The following TCF4 variants were observed in gnomAD, a reference collection of about 807,000 sequenced individuals.
TCF4 encodes transcription factor 4.
TCF4 carries 3 observed loss-of-function variants against 82.1 expected under a neutral mutation model. The observed-to-expected ratio is 0.04, with a 90% CI of 0.02 to 0.09. The LOEUF (loss-of-function observed/expected upper bound fraction) is 0.09. Ranked by LOEUF, TCF4 falls within the 10% of genes least tolerant of loss-of-function variation. The pLI is 1.00. For missense variants in TCF4, 518 were observed against 852.7 expected, an observed-to-expected ratio of 0.61 and a Z score of 4.89; for synonymous variants, 276 against 309.6, an observed-to-expected ratio of 0.89 and a Z score of 1.14.
chr18:55,512,394 A>G (rs2096837429), intron 3 of TCF4, among the ~76,000 whole-genome samples: 1 of 152,176 alleles, frequency 6.6e-6, no homozygotes, highest in Non-Finnish European at 1.5e-5. Context: ...GCAATAAACA[A>G]ATTTCATGTT....
At chr18:55,351,811 G>A (rs1028444077) in intron 6 of TCF4, 11 of 904,736 alleles carry the variant, frequency 1.2e-5, no homozygotes, top group East Asian at 2.4e-4. Context: ...TATATAAATC[G>A]CTTGATTATA....
intron 5 of TCF4, among the ~76,000 whole-genome samples, chr18:55,415,380 C>CA (rs2094490123): frequency 6.6e-6 from 1 of 151,694 alleles, no homozygotes; most frequent in African/African-American, 2.4e-5. Context: ...TGAAACAAAA[C>CA]AAAAAACAAA....
At chr18:55,414,663 G>A (rs2094465833) in intron 5 of TCF4, among the ~76,000 whole-genome samples, 1 of 152,040 alleles carries the variant, frequency 6.6e-6, no homozygotes, top group Non-Finnish European at 1.5e-5. Context: ...AGGACCCAAG[G>A]ATGCTCTCCA....
intron 3 of TCF4, among the ~76,000 whole-genome samples, chr18:55,484,071 TC>T (rs1298391633): frequency 6.6e-6 from 1 of 152,194 alleles, no homozygotes; most frequent in Non-Finnish European, 1.5e-5. Flanking sequence ...ACCTATAATT[TC>T]TCCTTTCAAC....
At chr18:55,378,520 A>C (rs2091292766) in intron 6 of TCF4, among the ~76,000 whole-genome samples, 1 of 152,200 alleles carries the variant, frequency 6.6e-6, no homozygotes, top group South Asian at 2.1e-4. Flanking sequence ...AATGTCAATT[A>C]ATAGATGAGG....
chr18:55,252,331 T>A (rs965629860), intron 15 of TCF4, among the ~76,000 whole-genome samples: 2 of 151,444 alleles, frequency 1.3e-5, no homozygotes, highest in African/African-American at 4.9e-5. Flanking sequence ...CTTATCCTTA[T>A]CAGCAAAACT....
chr18:55,408,061 A>C (rs8089309), intron 5 of TCF4, among the ~76,000 whole-genome samples: 9,417 of 152,228 alleles, frequency 0.062, 505 homozygotes, highest in African/African-American at 0.14. Context: ...TTCTAGAGAT[A>C]AGCTCTAACA....
chr18:55,489,677 G>A (rs1448080026), intron 3 of TCF4, among the ~76,000 whole-genome samples: 1 of 152,166 alleles, frequency 6.6e-6, no homozygotes, highest in Non-Finnish European at 1.5e-5. Flanking sequence ...AAGGCAATCT[G>A]CATCCTGAAC....
intron 6 of TCF4, chr18:55,401,435 A>G: frequency 9.4e-7 from 1 of 1,065,662 alleles, no homozygotes; most frequent in Non-Finnish European, 1.1e-6. Context: ...TTTTAAGAAA[A>G]GCATATGCAG....
intron 8 of TCF4, among the ~76,000 whole-genome samples, chr18:55,286,788 GAA>G (rs1405016374): frequency 6.6e-6 from 1 of 152,146 alleles, no homozygotes; most frequent in Non-Finnish European, 1.5e-5. Context: ...GGAGGAAGAA[GAA>G]TCCTCCTTCA....
At chr18:55,440,092 G>C (rs1163770726) in intron 5 of TCF4, among the ~76,000 whole-genome samples, 2 of 151,940 alleles carry the variant, frequency 1.3e-5, no homozygotes, top group Non-Finnish European at 2.9e-5. Context: ...ATTTATGTCT[G>C]AATACGCATG....
intron 3 of TCF4, among the ~76,000 whole-genome samples, chr18:55,557,041 T>C (rs1047899959): frequency 1.3e-5 from 2 of 152,332 alleles, no homozygotes; most frequent in Admixed American, 1.3e-4. Context: ...GCTTTTGCTA[T>C]ACCCATCTCC....
chr18:55,487,630 A>G (rs2096531486), intron 3 of TCF4, among the ~76,000 whole-genome samples: 1 of 152,224 alleles, frequency 6.6e-6, no homozygotes, highest in Non-Finnish European at 1.5e-5. Flanking sequence ...TATAATAAGT[A>G]AGAAAGTATT....
chr18:55,585,504 G>A (rs1464126589), intron 2 of TCF4, 152 bp from the exon 3 acceptor site: 3 of 769,280 alleles, frequency 3.9e-6, no homozygotes, highest in South Asian at 3.4e-5. Context: ...AAAACTAAAA[G>A]AGAAACAACA....
chr18:55,395,865 G>C (rs1240057242), intron 6 of TCF4, among the ~76,000 whole-genome samples: 3 of 152,140 alleles, frequency 2.0e-5, no homozygotes, highest in African/African-American at 7.2e-5. Context: ...ATCCTCATTG[G>C]TTTTAAGGAA....
At chr18:55,543,071 G>T (rs613872) in intron 3 of TCF4, among the ~76,000 whole-genome samples, 134,354 of 152,058 alleles carry the variant, frequency 0.88, 59,685 homozygotes, top group East Asian at 1. Context: ...AGTTAAAATT[G>T]TTTGGACACA....
At chr18:55,261,022 C>A (rs2057951406) in intron 12 of TCF4, 1 of 160,282 alleles carries the variant, frequency 6.2e-6, no homozygotes, top group Non-Finnish European at 1.4e-5. Flanking sequence ...AGCTGAGTCC[C>A]CCAGGTGCCA....
At chr18:55,271,045 C>T (rs2060240494) in intron 10 of TCF4, among the ~76,000 whole-genome samples, 1 of 152,002 alleles carries the variant, frequency 6.6e-6, no homozygotes, top group Non-Finnish European at 1.5e-5. Flanking sequence ...GAATATGATG[C>T]TGATAGTCAC....
intron 15 of TCF4, among the ~76,000 whole-genome samples, chr18:55,252,358 T>TTGTGTGTGTGTGTGTGTGTG (rs3831430): frequency 6.7e-6 from 1 of 149,902 alleles, no homozygotes; most frequent in African/African-American, 2.4e-5. Flanking sequence ...TTTATTGCTT[T>TTGTGTGTGTGTGTGTGTGTG]TGTGTGTGTG....
Sources: gnomAD v4.1 joint callset for allele counts (sites outside exome capture counted in the v4.1 genomes callset) on GRCh38, gnomAD v4.1.1 for gene constraint, MANE v1.5 for transcripts, NCBI Gene and HGNC (gene_info 2026-07-23, HGNC 2026-07-21) for gene names.